Variants in ZMAT4 observed in about 807,000 individuals in gnomAD.
ZMAT4 encodes the protein zinc finger matrin-type 4.
Under a neutral mutation model 28.7 loss-of-function variants are expected in ZMAT4, and 17 were observed. The ratio of observed to expected loss-of-function variants is 0.59; its 90% CI spans 0.41 to 0.89. ZMAT4 has a LOEUF of 0.89. Among genes scored for constraint, ZMAT4 ranks in the 40% least tolerant of loss-of-function variants. ZMAT4 has a pLI of 0.00. For synonymous variants in ZMAT4, 117 were observed against 109.2 expected (o/e 1.07, Z -0.44); for missense variants, 240 against 283.8 (o/e 0.85, Z 1.11).
At chr8:40,632,318 AT>A (rs888572738) in intron 5 of ZMAT4, among the ~76,000 whole-genome samples, 11 of 151,794 alleles carry the variant, frequency 7.2e-5, no homozygotes, top group Non-Finnish European at 1.6e-4. Flanking sequence ...AGTTTTATAG[AT>A]TTTTTTTTGG....
intron 5 of ZMAT4, among the ~76,000 whole-genome samples, chr8:40,646,318 C>T (rs1807312734): frequency 6.6e-6 from 1 of 150,968 alleles, no homozygotes; most frequent in South Asian, 2.1e-4. Context: ...TTTTATTTAT[C>T]AGTTACCTTT....
At chr8:40,755,734 C>G (rs1046106495) in intron 3 of ZMAT4, among the ~76,000 whole-genome samples, 1 of 152,154 alleles carries the variant, frequency 6.6e-6, no homozygotes, top group African/African-American at 2.4e-5. Flanking sequence ...ATTAAGGGTG[C>G]GAACCACTGC....
At chr8:40,810,767 A>T (rs1484413908) in intron 2 of ZMAT4, among the ~76,000 whole-genome samples, 1 of 152,222 alleles carries the variant, frequency 6.6e-6, no homozygotes, top group Non-Finnish European at 1.5e-5. Flanking sequence ...TAACAGGAAG[A>T]TGACAGAATG....
intron 3 of ZMAT4, among the ~76,000 whole-genome samples, chr8:40,759,373 A>G (rs1396480754): frequency 1.3e-5 from 2 of 151,902 alleles, no homozygotes; most frequent in Non-Finnish European, 2.9e-5. Flanking sequence ...GTGCGATCAT[A>G]TGTAAAGGTC....
At chr8:40,865,813 G>A (rs1453039613) in intron 1 of ZMAT4, among the ~76,000 whole-genome samples, 2 of 152,146 alleles carry the variant, frequency 1.3e-5, no homozygotes, top group Admixed American at 1.3e-4. Context: ...TGGGCCCTAA[G>A]GGACATTCTT....
chr8:40,717,893 C>T (rs1810924067), intron 3 of ZMAT4, among the ~76,000 whole-genome samples: 1 of 95,024 alleles, frequency 1.1e-5, no homozygotes, highest in African/African-American at 5.0e-5. Context: ...CAGTAAGTTC[C>T]CACATACTGT....
intron 5 of ZMAT4, among the ~76,000 whole-genome samples, chr8:40,625,303 GTTCC>G (rs1254490153): frequency 6.6e-6 from 1 of 152,122 alleles, no homozygotes; most frequent in East Asian, 1.9e-4. Context: ...CTAAGAACCG[GTTCC>G]AATTCTATTC....
At chr8:40,887,538 G>T (rs1818502881) in intron 1 of ZMAT4, among the ~76,000 whole-genome samples, 1 of 151,716 alleles carries the variant, frequency 6.6e-6, no homozygotes, top group Admixed American at 6.6e-5. Flanking sequence ...TAGTGGTTTG[G>T]TATAGGAAAT....
chr8:40,829,655 C>T, intron 1 of ZMAT4, among the ~76,000 whole-genome samples: 1 of 152,184 alleles, frequency 6.6e-6, no homozygotes, highest in East Asian at 1.9e-4. Context: ...AAGAGACATA[C>T]ACACACCAAC....
intron 3 of ZMAT4, among the ~76,000 whole-genome samples, chr8:40,728,671 G>C (rs571429288): frequency 1.3e-5 from 2 of 152,310 alleles, no homozygotes; most frequent in African/African-American, 4.8e-5. Context: ...GAGTCAGGAA[G>C]GCACATCTGG....
chr8:40,646,176 G>GT lies in ZMAT4; in HGVS notation c.577+28527dup, dbSNP rs199707062. On this transcript the variant is annotated intron_variant, in intron 5 of 6. Transcript: ENST00000297737. ...AGTGTTTAATTCACTTATAATTAAT[G>GT]TAACTACTAAGATGATTAAATTTAG... Among the ~76,000 whole-genome samples the GT allele has an allele frequency of 6.9e-3, 1,053 of 151,832 alleles. 6 individuals carry two copies. The highest frequency in any genetic ancestry group is 0.011 in the Non-Finnish European group (754 of 67,850).
chr8:40,870,490 C>T (rs952718778), intron 1 of ZMAT4, among the ~76,000 whole-genome samples: 6 of 152,226 alleles, frequency 3.9e-5, no homozygotes, highest in Non-Finnish European at 7.3e-5. Flanking sequence ...CTCCCCTATA[C>T]ACACAGCTTA....
intron 3 of ZMAT4, among the ~76,000 whole-genome samples, chr8:40,748,343 G>A (rs1270933641): frequency 6.6e-6 from 1 of 152,200 alleles, no homozygotes; most frequent in Admixed American, 6.5e-5. Flanking sequence ...TGCTGCTGTA[G>A]AGCATTTCAA....
At chr8:40,697,517 G>GTCC (rs142609009) in intron 3 of ZMAT4, 116 bp from the exon 4 acceptor site, 34 of 982,198 alleles carry the variant, frequency 3.5e-5, no homozygotes, top group Non-Finnish European at 4.5e-5. Flanking sequence ...TCTGCAAGCT[G>GTCC]TCTCTCTCTC....
intron 1 of ZMAT4, among the ~76,000 whole-genome samples, chr8:40,873,427 T>C (rs1817931678): frequency 6.6e-6 from 1 of 152,206 alleles, no homozygotes; most frequent in Non-Finnish European, 1.5e-5. Flanking sequence ...CCTTCTGTGA[T>C]GGCCCCACTC....
At chr8:40,573,022 T>C (rs530716382) in intron 6 of ZMAT4, among the ~76,000 whole-genome samples, 3 of 152,274 alleles carry the variant, frequency 2.0e-5, no homozygotes, top group South Asian at 2.1e-4. Flanking sequence ...AACCTGAAGA[T>C]AAGAACATCT....
intron 1 of ZMAT4, among the ~76,000 whole-genome samples, chr8:40,882,394 C>T (rs1270282313): frequency 1.3e-5 from 2 of 152,132 alleles, no homozygotes; most frequent in African/African-American, 2.4e-5. Flanking sequence ...TGTTCCTCTC[C>T]GGTGTCTTTC....
intron 2 of ZMAT4, among the ~76,000 whole-genome samples, chr8:40,790,843 A>C (rs185697991): frequency 6.6e-6 from 1 of 152,326 alleles, no homozygotes; most frequent in East Asian, 1.9e-4. Context: ...TGTGAAAGCA[A>C]AGAACAGAGA....
intron 1 of ZMAT4, among the ~76,000 whole-genome samples, chr8:40,844,885 A>G (rs1018494770): frequency 6.6e-6 from 1 of 152,126 alleles, no homozygotes; most frequent in Non-Finnish European, 1.5e-5. Context: ...TGTCACATGG[A>G]CTGTGACAGA....
Sources: allele counts gnomAD v4.1 joint callset (sites outside exome capture counted in the v4.1 genomes callset), GRCh38; gene constraint gnomAD v4.1.1; transcripts MANE v1.5; gene names NCBI Gene and HGNC (gene_info 2026-07-23, HGNC 2026-07-21).